Variants in FKBP7 observed in about 807,000 individuals in gnomAD.
FKBP7 encodes the protein peptidyl-prolyl cis-trans isomerase FKBP7.
Under a neutral mutation model 24.3 loss-of-function variants are expected in FKBP7, and 24 were observed. That is an observed-to-expected ratio of 0.99 (90% CI 0.72 to 1.39). FKBP7 has a LOEUF of 1.39. Among genes scored for constraint, FKBP7 ranks in the 40% most tolerant of loss-of-function variants. The probability of loss-of-function intolerance (pLI) is 0.00; values close to 1 mark genes in which losing one functional copy is unlikely to be tolerated. For missense variants in FKBP7, 257 were observed against 269.5 expected (o/e 0.95, Z 0.33); for synonymous variants, 98 against 92.8 (o/e 1.06, Z -0.32).
At chr2:178,468,167 CT>C in intron 3 of FKBP7, among the ~76,000 whole-genome samples, 1 of 152,158 alleles carries the variant, frequency 6.6e-6, no homozygotes, top group East Asian at 1.9e-4. Flanking sequence ...GCTTTTACTA[CT>C]TACTTATGTG....
At chr2:178,473,212 G>T in intron 2 of FKBP7, 1 of 628,964 alleles carries the variant, frequency 1.6e-6, no homozygotes, top group Non-Finnish European at 2.6e-6. Context: ...TTAATCAAGA[G>T]GTTGTTTGTT....
chr2:178,473,077 A>T (rs973397483), intron 2 of FKBP7: 36 of 1,305,396 alleles, frequency 2.8e-5, no homozygotes, highest in Non-Finnish European at 3.4e-5. Flanking sequence ...ATTTCAAGAC[A>T]TGCAGGGTTG....
Position 178,465,612 on chromosome 2 carries a change from AC to A in FKBP7, c.*157del. 1 of 577,568 alleles carries A rather than the reference AC, an allele frequency of 1.7e-6. No homozygotes were observed. Among genetic ancestry groups the A allele is most frequent in the Non-Finnish European group, 2.7e-6 (1 of 373,196 alleles). 35.8% of individuals were successfully genotyped at this position (577,568 alleles called of 1,614,324 possible). ...CATTCCTGCAAGTTAAGTTTGCAAA[AC>A]AGCCTCACATTTATTATACCAAAAT... On this transcript the variant is annotated 3_prime_UTR_variant, in exon 4 of 4. Coordinates refer to ENST00000424785, the MANE Select transcript of FKBP7 (RefSeq NM_181342.3).
rs1467020651 is a variant in FKBP7, at chr2:178,465,772, ATAGTTCATCG to A, written c.657_666del (p.Asp220SerfsTer39). Reference sequence around the variant, plus strand: ...AAAAAAGTAGAAATACAAATATGCTATAGTTCATCGTGTTGGTATACATTGTATTCCTTGG... The same window carrying A: ...AAAAAAGTAGAAATACAAATATGCTATGTTGGTATACATTGTATTCCTTGG... On this transcript the variant is annotated frameshift_variant, in exon 4 of 4. Coordinates refer to ENST00000424785, the MANE Select transcript of FKBP7 (RefSeq NM_181342.3). LOFTEE classifies it high-confidence loss of function. 1 of 1,574,384 alleles carries A rather than the reference ATAGTTCATCG, an allele frequency of 6.4e-7. No individual in the cohort carries two copies. Among genetic ancestry groups the A allele is most frequent in the African/African-American group, 1.4e-5 (1 of 72,712 alleles).
chr2:178,468,869 C>CTT (rs770408622), intron 3 of FKBP7, among the ~76,000 whole-genome samples: 1 of 143,566 alleles, frequency 7.0e-6, no homozygotes, highest in Non-Finnish European at 1.5e-5. Context: ...CTATTATTAT[C>CTT]TTTTTTTTTT....
chr2:178,475,516 C>T (rs1031345180), intron 2 of FKBP7, among the ~76,000 whole-genome samples: 1 of 152,158 alleles, frequency 6.6e-6, no homozygotes, highest in African/African-American at 2.4e-5. Flanking sequence ...AGGCATGAGC[C>T]ACCACACCCG....
chr2:178,469,789 AG>A lies in FKBP7; in HGVS notation c.374-5del. 1 of 1,611,954 alleles carries A rather than the reference AG, an allele frequency of 6.2e-7. No individual in the cohort carries two copies. Among genetic ancestry groups the A allele is most frequent in the Non-Finnish European group, 8.5e-7 (1 of 1,179,388 alleles). On this transcript the variant is annotated splice_polypyrimidine_tract_variant and splice_region_variant and intron_variant, in intron 2 of 3. Coordinates refer to ENST00000424785, the MANE Select transcript of FKBP7 (RefSeq NM_181342.3). ...TCCGGTGGAATCTTGCCTTCTGCTA[AG>A]GGTATAAATTTTAACAGTTTAACTT... is the stretch of plus-strand genomic sequence containing the variant.
rs1389585571 is a variant in FKBP7 at position 178,465,878 on chromosome 2, C to T, written c.561G>A (p.Lys187=). The T allele has an allele frequency of 1.5e-5, 24 of 1,609,976 alleles. No homozygotes were observed. Among genetic ancestry groups the T allele is most frequent in the Non-Finnish European group, 1.9e-5 (22 of 1,178,614 alleles). The change falls in exon 4 of 4, where the codon AAG becomes AAA. Residue 187 remains lysine (K), a synonymous_variant. Coordinates refer to ENST00000424785, the MANE Select transcript of FKBP7 (RefSeq NM_181342.3). ...CTTCTAAAACTGCATCCTGATATGA[C>T]TTGTCACGTGGCTTCTCATCTTTTT... ...EFEKDEKPRD[K]SYQDAVLEDI...
In FKBP7 at chr2:178,465,584, T is replaced by C. The variant is rs1250808895; in HGVS notation, c.*186A>G. ...AATAAAGCAGTAGGAAACACAGTCA[T>C]ACCATTCCTGCAAGTTAAGTTTGCA... On this transcript the variant is annotated 3_prime_UTR_variant, in exon 4 of 4. Transcript: ENST00000424785. The C allele has an allele frequency of 4.3e-6, 2 of 467,470 alleles. No homozygotes were observed. Among genetic ancestry groups the C allele is most frequent in the African/African-American group, 4.0e-5 (2 of 49,524 alleles). 29.0% of individuals were successfully genotyped at this position (467,470 alleles called of 1,614,324 possible). A position where few individuals can be genotyped will look rare whatever the true frequency, so the allele number is the denominator to read the frequency against.
chr2:178,469,623 A>T (rs1382120904), intron 3 of FKBP7, 29 bp downstream of exon 3: 1 of 1,611,476 alleles, frequency 6.2e-7, no homozygotes, highest in South Asian at 1.1e-5. Flanking sequence ...AAAAAATTAG[A>T]CTATACACAT....
At chr2:178,467,605 C>T (rs1684709322) in intron 3 of FKBP7, among the ~76,000 whole-genome samples, 1 of 152,028 alleles carries the variant, frequency 6.6e-6, no homozygotes, top group Non-Finnish European at 1.5e-5. Context: ...TTATGGCCAT[C>T]AATAAAAGAC....
chr2:178,465,473 A>G lies in FKBP7; in HGVS notation c.*297T>C, dbSNP rs1684626730. ...AAGCTTGCAGTTTTTGACATACTAT[A>G]CATGTCCTCCTACATCCTGAAAGGG... On this transcript the variant is annotated 3_prime_UTR_variant, in exon 4 of 4. Coordinates refer to ENST00000424785, the MANE Select transcript of FKBP7 (RefSeq NM_181342.3). 1 of 207,396 alleles carries G rather than the reference A, an allele frequency of 4.8e-6. No homozygotes were observed. Among genetic ancestry groups the G allele is most frequent in the African/African-American group, 2.3e-5 (1 of 43,662 alleles). The allele number at this position is 207,396 out of a possible 1,614,324, so 12.8% of individuals were successfully genotyped here. A position where few individuals can be genotyped will look rare whatever the true frequency, so the allele number is the denominator to read the frequency against.
At chr2:178,474,491 C>T (rs1487618016) in intron 2 of FKBP7, among the ~76,000 whole-genome samples, 1 of 152,312 alleles carries the variant, frequency 6.6e-6, no homozygotes. Flanking sequence ...CCCAGGAACA[C>T]TTAATGTCAT....
chr2:178,466,607 C>T (rs1684666547), intron 3 of FKBP7, among the ~76,000 whole-genome samples: 1 of 151,876 alleles, frequency 6.6e-6, no homozygotes, highest in Admixed American at 6.6e-5. Context: ...AAATATATAA[C>T]AGATTTTGAA....
At chr2:178,474,350 T>C (rs1456786638) in intron 2 of FKBP7, among the ~76,000 whole-genome samples, 1 of 152,236 alleles carries the variant, frequency 6.6e-6, no homozygotes, top group Non-Finnish European at 1.5e-5. Flanking sequence ...TTCTCTGTTC[T>C]GCTACATGCA....
chr2:178,469,927 T>C (rs1233988519), intron 2 of FKBP7, 142 bp from the exon 3 acceptor site: 2 of 627,152 alleles, frequency 3.2e-6, no homozygotes, highest in Non-Finnish European at 2.4e-6. Context: ...TTTTTTCTCA[T>C]CTTTTATAAC....
chr2:178,472,005 A>T (rs1684859374), intron 2 of FKBP7, among the ~76,000 whole-genome samples: 1 of 151,890 alleles, frequency 6.6e-6, no homozygotes, highest in Non-Finnish European at 1.5e-5. Context: ...TTATCTCCTT[A>T]TGACAGAATT....
In FKBP7 at chr2:178,465,554, T is replaced by C; in HGVS notation, c.*216A>G. The C allele has an allele frequency of 2.8e-6, 1 of 362,382 alleles. No homozygotes were observed. The highest frequency in any genetic ancestry group is 4.8e-6 in the Non-Finnish European group (1 of 206,642). The allele number at this position is 362,382 out of a possible 1,614,324, so 22.4% of individuals were successfully genotyped here. On this transcript the variant is annotated 3_prime_UTR_variant, in exon 4 of 4. Coordinates refer to ENST00000424785, the MANE Select transcript of FKBP7 (RefSeq NM_181342.3). ...GTTTCATGGTGCTACAATTCTTGTTTACAGAATAAAGCAGTAGGAAACACA... is the reference window on the plus strand; with the variant it reads ...GTTTCATGGTGCTACAATTCTTGTTCACAGAATAAAGCAGTAGGAAACACA...
At position 178,465,476 on chromosome 2, in the gene FKBP7, T is replaced by G. The variant is rs1684626798; in HGVS notation, c.*294A>C. ...CTTGCAGTTTTTGACATACTATACA[T>G]GTCCTCCTACATCCTGAAAGGGGAA... On this transcript the variant is annotated 3_prime_UTR_variant, in exon 4 of 4. Transcript: ENST00000424785. The G allele has an allele frequency of 1.4e-5, 3 of 211,506 alleles. No individual in the cohort carries two copies. Among genetic ancestry groups the G allele is most frequent in the Non-Finnish European group, 2.8e-5 (3 of 107,956 alleles). The allele number at this position is 211,506 out of a possible 1,614,324, so 13.1% of individuals were successfully genotyped here.
Sources: allele counts gnomAD v4.1 joint callset (sites outside exome capture counted in the v4.1 genomes callset), GRCh38; gene constraint gnomAD v4.1.1; transcripts MANE v1.5; gene names NCBI Gene and HGNC (gene_info 2026-07-23, HGNC 2026-07-21).